The following KLHL1 variants were observed in gnomAD, a reference collection of about 807,000 sequenced individuals.
The protein encoded by KLHL1 is kelch like family member 1.
Under a neutral mutation model 77.7 loss-of-function variants are expected in KLHL1, and 47 were observed. The ratio of observed to expected loss-of-function variants is 0.60; its 90% CI spans 0.48 to 0.77. KLHL1 has a LOEUF of 0.77. KLHL1 is among the 30% of genes least tolerant of loss of function. The pLI is 0.00. For missense variants in KLHL1, 925 were observed against 910.8 expected, an observed-to-expected ratio of 1.02 and a Z score of -0.20; for synonymous variants, 360 against 325.2, an observed-to-expected ratio of 1.11 and a Z score of -1.15.
intron 1 of KLHL1, among the ~76,000 whole-genome samples, chr13:70,017,958 G>C (rs929994803): frequency 6.6e-6 from 1 of 151,946 alleles, no homozygotes; most frequent in Non-Finnish European, 1.5e-5. Flanking sequence ...TTAAAGAAAC[G>C]TGAAAATAAG....
At chr13:69,961,569 T>A in intron 2 of KLHL1, 125 bp from the exon 3 acceptor site, 1 of 1,019,394 alleles carries the variant, frequency 9.8e-7, no homozygotes, top group South Asian at 1.6e-5. Context: ...TTTTATTTAT[T>A]GCCTCATGAG....
chr13:69,771,646 T>C (rs1202289422), intron 7 of KLHL1, among the ~76,000 whole-genome samples: 1 of 152,200 alleles, frequency 6.6e-6, no homozygotes, highest in East Asian at 1.9e-4. Flanking sequence ...AAACAGATAT[T>C]CTTTTTTCCT....
chr13:69,811,505 A>C (rs1877878816), intron 6 of KLHL1, among the ~76,000 whole-genome samples: 1 of 152,140 alleles, frequency 6.6e-6, no homozygotes, highest in Admixed American at 6.6e-5. Flanking sequence ...ATCTGAGACA[A>C]ACACACAGTC....
At chr13:69,812,128 A>G (rs568732479) in intron 6 of KLHL1, among the ~76,000 whole-genome samples, 4 of 152,068 alleles carry the variant, frequency 2.6e-5, no homozygotes, top group Admixed American at 6.6e-5. Flanking sequence ...GTTTTAAAGA[A>G]CATCTTTATT....
At chr13:70,080,733 A>G (rs1283102535) in intron 1 of KLHL1, among the ~76,000 whole-genome samples, 2 of 151,988 alleles carry the variant, frequency 1.3e-5, no homozygotes, top group Non-Finnish European at 2.9e-5. Flanking sequence ...AGTAGCTGGG[A>G]CTACACATGC....
At chr13:69,713,625 C>T (rs1367596346) in intron 9 of KLHL1, among the ~76,000 whole-genome samples, 2 of 151,996 alleles carry the variant, frequency 1.3e-5, no homozygotes, top group African/African-American at 4.8e-5. Flanking sequence ...TATATACATG[C>T]TTTATCAAAC....
At chr13:69,719,733 A>G (rs1872956830) in intron 8 of KLHL1, 152 bp from the exon 9 acceptor site, 2 of 611,952 alleles carry the variant, frequency 3.3e-6, no homozygotes, top group African/African-American at 3.7e-5. Flanking sequence ...GATACTCAAT[A>G]AATGATCATA....
At chr13:69,753,597 A>T (rs1566214412) in intron 7 of KLHL1, among the ~76,000 whole-genome samples, 1 of 152,348 alleles carries the variant, frequency 6.6e-6, no homozygotes, top group East Asian at 1.9e-4. Flanking sequence ...CAGATAAATC[A>T]AATGAGAATA....
chr13:69,850,091 T>C (rs779730770), intron 5 of KLHL1, among the ~76,000 whole-genome samples: 105 of 151,510 alleles, frequency 6.9e-4, no homozygotes, highest in Non-Finnish European at 1.4e-3. Flanking sequence ...ACAGAAATAA[T>C]TTGGGCTCAT....
intron 3 of KLHL1, among the ~76,000 whole-genome samples, chr13:69,951,700 C>A (rs1018869086): frequency 6.6e-6 from 1 of 151,394 alleles, no homozygotes; most frequent in South Asian, 2.1e-4. Flanking sequence ...GATGCTCTAT[C>A]TTGGTTTCCA....
At chr13:69,785,561 A>G (rs953125920) in intron 7 of KLHL1, among the ~76,000 whole-genome samples, 1 of 150,620 alleles carries the variant, frequency 6.6e-6, no homozygotes, top group Non-Finnish European at 1.5e-5. Flanking sequence ...AAAGCAGGAA[A>G]GATCCAAAAT....
intron 7 of KLHL1, among the ~76,000 whole-genome samples, chr13:69,753,269 A>G (rs1388169553): frequency 6.6e-6 from 1 of 152,202 alleles, no homozygotes; most frequent in Non-Finnish European, 1.5e-5. Context: ...GCTGAAAGAA[A>G]TATGTTTAGT....
chr13:69,937,769 A>G (rs192506163), intron 4 of KLHL1, among the ~76,000 whole-genome samples: 6 of 152,326 alleles, frequency 3.9e-5, no homozygotes, highest in South Asian at 2.1e-4. Context: ...AGCCAAATAC[A>G]TAAGTGAAAT....
chr13:69,739,916 G>C (rs751161117), intron 8 of KLHL1, among the ~76,000 whole-genome samples: 2 of 152,142 alleles, frequency 1.3e-5, no homozygotes, highest in Non-Finnish European at 2.9e-5. Flanking sequence ...GGGGCATCTA[G>C]TGGGTAGAAA....
At chr13:69,836,577 C>T (rs1173667717) in intron 6 of KLHL1, among the ~76,000 whole-genome samples, 1 of 151,932 alleles carries the variant, frequency 6.6e-6, no homozygotes, top group Admixed American at 6.6e-5. Flanking sequence ...TCAAATCATC[C>T]AATTCTTGTT....
chr13:69,721,291 G>A (rs990929088), intron 8 of KLHL1, among the ~76,000 whole-genome samples: 16 of 148,476 alleles, frequency 1.1e-4, no homozygotes, highest in South Asian at 6.5e-4. Flanking sequence ...CCACCTTTCC[G>A]GAAGGAACCA....
intron 5 of KLHL1, among the ~76,000 whole-genome samples, chr13:69,858,715 A>G (rs1368414927): frequency 2.6e-5 from 4 of 152,102 alleles, no homozygotes; most frequent in Non-Finnish European, 4.4e-5. Flanking sequence ...ATTGATAAAG[A>G]TATTCAATGT....
At chr13:70,006,022 T>C (rs1215466056) in intron 1 of KLHL1, among the ~76,000 whole-genome samples, 1 of 152,026 alleles carries the variant, frequency 6.6e-6, no homozygotes, top group Non-Finnish European at 1.5e-5. Flanking sequence ...TTTTCTTCTT[T>C]CCCTCAGCCA....
At chr13:69,869,497 A>T in intron 5 of KLHL1, among the ~76,000 whole-genome samples, 1 of 152,290 alleles carries the variant, frequency 6.6e-6, no homozygotes, top group Non-Finnish European at 1.5e-5. Context: ...TATCACTTTT[A>T]ACAATAGCAG....
Sources: allele counts gnomAD v4.1 joint callset (sites outside exome capture counted in the v4.1 genomes callset), GRCh38; gene constraint gnomAD v4.1.1; transcripts MANE v1.5; gene names NCBI Gene and HGNC (gene_info 2026-07-23, HGNC 2026-07-21).